TCF4: variants seen among roughly 807,000 people sequenced by gnomAD.
TCF4 encodes SL3-3 enhancer factor 2.
A neutral mutation model predicts 82.1 loss-of-function variants in TCF4; 3 were observed. The ratio of observed to expected loss-of-function variants is 0.04; its 90% CI spans 0.02 to 0.09. TCF4 has a LOEUF of 0.09. TCF4 is among the 10% of genes least tolerant of loss of function. The pLI is 1.00. For missense variants in TCF4, 518 were observed against 852.7 expected, an observed-to-expected ratio of 0.61 and a Z score of 4.89; for synonymous variants, 276 against 309.6, an observed-to-expected ratio of 0.89 and a Z score of 1.14.
rs1568511385 is a variant in TCF4 at position 55,633,106 on chromosome 18, A to G, written c.196-1718T>C. 6.6e-6 allele frequency among the ~76,000 whole-genome samples: 1 copy of G among 152,234 alleles called. No homozygotes were observed. The highest frequency in any genetic ancestry group is 1.5e-5 in the Non-Finnish European group (1 of 68,046). ...TGGCTTAAAACAACATTAAGTATTT[A>G]TTATCCTCACAGTTTCTATGGGTTG... is the stretch of plus-strand genomic sequence containing the variant. On this transcript the variant is annotated intron_variant, in intron 1 of 20. Transcript: ENST00000398339. This position sits in a 1 kb window ranked among gnomAD's most constrained non-coding sequence, Gnocchi z 4.0.
At chr18:55,240,905 T>G (rs1261075) in intron 15 of TCF4, among the ~76,000 whole-genome samples, 1 of 152,262 alleles carries the variant, frequency 6.6e-6, no homozygotes, top group Non-Finnish European at 1.5e-5. Flanking sequence ...ATAACTGTCT[T>G]GAGAACACCT....
At chr18:55,584,339 T>C (rs1437024354) in intron 3 of TCF4, among the ~76,000 whole-genome samples, 2 of 152,166 alleles carry the variant, frequency 1.3e-5, no homozygotes, top group African/African-American at 2.4e-5. Flanking sequence ...CTTGGCCTAA[T>C]GTACTGTTAT....
In TCF4 at chr18:55,362,642, GA is replaced by G. The variant is rs551563635; in HGVS notation, c.370-11640del. On this transcript the variant is annotated intron_variant, in intron 6 of 19. Coordinates refer to ENST00000354452, the MANE Select transcript of TCF4 (RefSeq NM_001083962.2). ...TATAACCAGCCTTAAATGCTTATGAGAAAGATGCTGTTAAAATAACAAACAA... is the reference window on the plus strand; with the variant it reads ...TATAACCAGCCTTAAATGCTTATGAGAAGATGCTGTTAAAATAACAAACAA... 6.8e-4 allele frequency among the ~76,000 whole-genome samples: 103 copies of G among 152,264 alleles called. No individual in the cohort carries two copies. In the South Asian group the frequency reaches 7.7e-3, roughly 11 times the overall value.
rs752970678 is a variant in TCF4, at chr18:55,528,950, C to T, written c.145+56330G>A. Among the ~76,000 whole-genome samples the T allele has an allele frequency of 1.1e-4, 16 of 152,194 alleles. No individual in the cohort carries two copies. In the South Asian group the frequency reaches 2.3e-3, roughly 22 times the overall value. On this transcript the variant is annotated intron_variant, in intron 3 of 19. Transcript: ENST00000354452. ...CCCAGTACTTCGGGAGGCCAAGGTG[C>T]GTGGGTCACCTGAGGTCAGTACTTC...
chr18:55,317,539 A>G (rs1191876895), intron 8 of TCF4, among the ~76,000 whole-genome samples: 3 of 152,008 alleles, frequency 2.0e-5, no homozygotes, highest in East Asian at 1.9e-4. Flanking sequence ...TTTGGGGGGA[A>G]AAAAAAGAGC....
intron 9 of TCF4, 69 bp from the exon 10 acceptor site, chr18:55,275,821 C>G: frequency 1.3e-6 from 2 of 1,597,622 alleles, no homozygotes; most frequent in Non-Finnish European, 1.7e-6. Flanking sequence ...AGGGTTTTTT[C>G]ATATACTTGA....
At chr18:55,478,082 A>T (rs1459018610) in intron 3 of TCF4, among the ~76,000 whole-genome samples, 1 of 152,256 alleles carries the variant, frequency 6.6e-6, no homozygotes, top group Non-Finnish European at 1.5e-5. Flanking sequence ...ATAACCAGAC[A>T]TCTTGAGAGA....
intron 5 of TCF4, among the ~76,000 whole-genome samples, chr18:55,419,247 A>T (rs1218157222): frequency 1.3e-5 from 2 of 152,216 alleles, no homozygotes; most frequent in East Asian, 1.9e-4. Context: ...CAAGAAAAAG[A>T]TCTGACATTC....
At chr18:55,237,293 A>G (rs2049765013) in intron 15 of TCF4, among the ~76,000 whole-genome samples, 1 of 152,114 alleles carries the variant, frequency 6.6e-6, no homozygotes, top group South Asian at 2.1e-4. Context: ...TCCCCTATAC[A>G]ATGACTGTAA....
intron 5 of TCF4, among the ~76,000 whole-genome samples, chr18:55,412,338 T>C (rs911096655): frequency 6.6e-6 from 1 of 150,420 alleles, no homozygotes; most frequent in Non-Finnish European, 1.5e-5. Context: ...TCATCTCCAA[T>C]AATGAAGGCT....
chr18:55,231,590 G>T (rs1413221265), intron 17 of TCF4: 1 of 152,180 alleles, frequency 6.6e-6, no homozygotes. Context: ...GCTGCTAAAG[G>T]TATGAAATCC....
intron 6 of TCF4, among the ~76,000 whole-genome samples, chr18:55,378,558 C>A (rs1196794483): frequency 6.6e-6 from 1 of 152,096 alleles, no homozygotes; most frequent in Non-Finnish European, 1.5e-5. Flanking sequence ...GTTTAAATAC[C>A]TGCCCCAGGC....
intron 15 of TCF4, among the ~76,000 whole-genome samples, chr18:55,238,808 C>T (rs780509137): frequency 6.6e-5 from 10 of 152,120 alleles, no homozygotes; most frequent in Non-Finnish European, 1.0e-4. Flanking sequence ...GGTTCTGTAC[C>T]TCCTGCTAAT....
chr18:55,318,170 C>T (rs73490813), intron 8 of TCF4, among the ~76,000 whole-genome samples: 1 of 151,998 alleles, frequency 6.6e-6, no homozygotes. Flanking sequence ...ATTTTATCTT[C>T]GTGGATATGC....
At chr18:55,234,212 T>C (rs922084825) in intron 16 of TCF4, among the ~76,000 whole-genome samples, 9 of 152,156 alleles carry the variant, frequency 5.9e-5, no homozygotes, top group Non-Finnish European at 1.0e-4. Flanking sequence ...CATTTGGAAA[T>C]ATCATTTTCA....
At chr18:55,351,153 A>C in intron 6 of TCF4, 150 bp from the exon 7 acceptor site, 3 of 904,608 alleles carry the variant, frequency 3.3e-6, no homozygotes, top group African/African-American at 1.7e-5. Flanking sequence ...ACCCAAAAGA[A>C]AGGCAGTCTA....
At chr18:55,390,523 C>G (rs1206398377) in intron 6 of TCF4, among the ~76,000 whole-genome samples, 1 of 152,056 alleles carries the variant, frequency 6.6e-6, no homozygotes, top group African/African-American at 2.4e-5. Flanking sequence ...AGGCTCTATA[C>G]AGCTGATTTA....
rs951663362 is a variant in TCF4, at chr18:55,570,475, C to A, written c.145+14805G>T. ...ACACCTAGAAATCAATAAGAAAAAA[C>A]AAATAACCCAATAGAAAATGGGGGC... On this transcript the variant is annotated intron_variant, in intron 3 of 19. Coordinates refer to ENST00000354452, the MANE Select transcript of TCF4 (RefSeq NM_001083962.2). 3.9e-5 allele frequency among the ~76,000 whole-genome samples: 6 copies of A among 152,114 alleles called. No individual in the cohort carries two copies. In the East Asian group the frequency reaches 1.2e-3, roughly 29 times the overall value.
intron 5 of TCF4, among the ~76,000 whole-genome samples, chr18:55,420,359 A>C (rs2094688111): frequency 6.6e-6 from 1 of 152,228 alleles, no homozygotes; most frequent in South Asian, 2.1e-4. Flanking sequence ...CAGCATGATT[A>C]CCATGATTAT....
Sources: allele counts gnomAD v4.1 joint callset (sites outside exome capture counted in the v4.1 genomes callset), GRCh38; gene constraint gnomAD v4.1.1; non-coding constraint Gnocchi (gnomAD v3.1); transcripts MANE v1.5; gene names NCBI Gene and HGNC (gene_info 2026-07-23, HGNC 2026-07-21).